Variants in TMEM51 observed in about 807,000 individuals in gnomAD.
TMEM51 encodes transmembrane protein 51.
In TMEM51, 8 loss-of-function variants were observed where a neutral mutation model predicts 13.6. The ratio of observed to expected loss-of-function variants is 0.59; its 90% CI spans 0.35 to 1.07. The LOEUF is 1.07. Among genes scored for constraint, TMEM51 ranks in the 50% least tolerant of loss-of-function variants. TMEM51 has a pLI of 0.02. For missense variants in TMEM51, 279 were observed against 330.7 expected (o/e 0.84, Z 1.21); for synonymous variants, 147 against 144.4 (o/e 1.02, Z -0.13).
intron 1 of TMEM51, among the ~76,000 whole-genome samples, chr1:15,156,342 C>T (rs368089266): frequency 1.1e-4 from 16 of 152,294 alleles, no homozygotes; most frequent in African/African-American, 3.8e-4. Flanking sequence ...GGTCAACGTT[C>T]CTCCCTCCCT....
intron 1 of TMEM51, among the ~76,000 whole-genome samples, chr1:15,175,941 T>C (rs923182872): frequency 6.6e-6 from 1 of 152,194 alleles, no homozygotes; most frequent in African/African-American, 2.4e-5. Context: ...ACCGTGTCAG[T>C]CTCAGTGAAA....
At chr1:15,182,206 A>AAATAAATGAATG (rs1452812707) in intron 1 of TMEM51, among the ~76,000 whole-genome samples, 87 of 148,928 alleles carry the variant, frequency 5.8e-4, no homozygotes, top group East Asian at 3.0e-3. Flanking sequence ...ATAAATAAAT[A>AAATAAATGAATG]ACTGCACTAG....
At chr1:15,167,559 G>C (rs1048271455) in intron 1 of TMEM51, among the ~76,000 whole-genome samples, 1 of 152,118 alleles carries the variant, frequency 6.6e-6, no homozygotes, top group Non-Finnish European at 1.5e-5. Context: ...CCTAGGAGTG[G>C]AATTATTGGG....
chr1:15,175,492 A>G (rs1643430048), intron 1 of TMEM51, among the ~76,000 whole-genome samples: 1 of 152,220 alleles, frequency 6.6e-6, no homozygotes, highest in Non-Finnish European at 1.5e-5. Context: ...CCATCCTCCA[A>G]GGTGATTTCT....
At chr1:15,164,670 G>A (rs1428329308) in intron 1 of TMEM51, among the ~76,000 whole-genome samples, 2 of 151,728 alleles carry the variant, frequency 1.3e-5, no homozygotes, top group Non-Finnish European at 2.9e-5. Flanking sequence ...TTATTGAAAC[G>A]ATTTTTAGAT....
At chr1:15,183,009 C>T (rs1394010789) in intron 1 of TMEM51, among the ~76,000 whole-genome samples, 1 of 152,170 alleles carries the variant, frequency 6.6e-6, no homozygotes. Context: ...GTGATCCTCC[C>T]GCCTCAACCT....
intron 1 of TMEM51, chr1:15,164,513 A>G: frequency 4.4e-6 from 2 of 455,444 alleles, no homozygotes; most frequent in South Asian, 1.5e-5. Flanking sequence ...TGGAGATAAT[A>G]TCAATGTAAC....
intron 3 of TMEM51, among the ~76,000 whole-genome samples, chr1:15,216,696 A>C (rs1025928097): frequency 2.6e-5 from 4 of 152,242 alleles, no homozygotes; most frequent in Non-Finnish European, 5.9e-5. Flanking sequence ...TTAGGATAAC[A>C]AAAACTTAGA....
rs990942296 is a variant in TMEM51, at chr1:15,161,460, G to A, written c.-267+7506G>A. On this transcript the variant is annotated intron_variant, in intron 1 of 3. Transcript: ENST00000376008. The surrounding 1 kb of genome is among the most constrained non-coding windows in gnomAD (Gnocchi z 4.0). Reference sequence around the variant, plus strand: ...GCAGAGGTTGCAGTGAGCCGAGATCGTGCCACTGAACTCCAGCCTGGGCAA... The same window carrying A: ...GCAGAGGTTGCAGTGAGCCGAGATCATGCCACTGAACTCCAGCCTGGGCAA... Among the ~76,000 whole-genome samples, 8 of 151,896 alleles carry A rather than the reference G, an allele frequency of 5.3e-5. No individual in the cohort carries two copies. The highest frequency in any genetic ancestry group is 7.4e-5 in the Non-Finnish European group (5 of 68,024).
At chr1:15,158,835 C>T (rs1397907135) in intron 1 of TMEM51, among the ~76,000 whole-genome samples, 1 of 152,130 alleles carries the variant, frequency 6.6e-6, no homozygotes, top group East Asian at 1.9e-4. Flanking sequence ...ATTTGAGCAT[C>T]GTTGAGTGGT....
At chr1:15,179,833 G>A (rs932967381) in intron 1 of TMEM51, among the ~76,000 whole-genome samples, 5 of 152,180 alleles carry the variant, frequency 3.3e-5, no homozygotes, top group African/African-American at 1.2e-4. Context: ...AAAACTAACC[G>A]CTGTTAAAAT....
intron 1 of TMEM51, among the ~76,000 whole-genome samples, chr1:15,194,368 G>A (rs1484547386): frequency 1.3e-5 from 2 of 152,150 alleles, no homozygotes; most frequent in Non-Finnish European, 2.9e-5. Context: ...AGTTCCCTCT[G>A]GCCACCTGAC....
At chr1:15,209,646 G>A (rs1270618008) in intron 1 of TMEM51, among the ~76,000 whole-genome samples, 1 of 152,156 alleles carries the variant, frequency 6.6e-6, no homozygotes, top group Admixed American at 6.5e-5. Context: ...GTGACACGTT[G>A]TGGTTTATCC....
intron 3 of TMEM51, among the ~76,000 whole-genome samples, chr1:15,218,387 C>A (rs992419143): frequency 6.6e-6 from 1 of 152,160 alleles, no homozygotes; most frequent in South Asian, 2.1e-4. Context: ...CAGCATGTCG[C>A]TAAGTGGGAA....
At chr1:15,167,054 G>A (rs10927696) in intron 1 of TMEM51, among the ~76,000 whole-genome samples, 54,808 of 152,046 alleles carry the variant, frequency 0.36, 11,379 homozygotes, top group East Asian at 0.6. Flanking sequence ...ATGGCTGGGT[G>A]CGGTGGCTCA....
chr1:15,175,115 G>A (rs1400239863), intron 1 of TMEM51, among the ~76,000 whole-genome samples: 13 of 152,228 alleles, frequency 8.5e-5, no homozygotes, highest in Admixed American at 5.2e-4. Context: ...AACTAGGGCC[G>A]TAGGCTGGGT....
At chr1:15,215,476 A>T in intron 3 of TMEM51, 45 bp downstream of exon 3, 1 of 1,493,412 alleles carries the variant, frequency 6.7e-7, no homozygotes, top group Non-Finnish European at 9.0e-7. Flanking sequence ...GGGGATGGGC[A>T]CGCACGCATG....
chr1:15,176,165 G>T (rs1299923582), intron 1 of TMEM51, among the ~76,000 whole-genome samples: 3 of 152,206 alleles, frequency 2.0e-5, no homozygotes, highest in Non-Finnish European at 4.4e-5. Flanking sequence ...CCCAGTGGTT[G>T]CTCAGTCAAT....
chr1:15,167,301 T>A (rs1643045390), intron 1 of TMEM51, among the ~76,000 whole-genome samples: 1 of 117,330 alleles, frequency 8.5e-6, no homozygotes. Flanking sequence ...CACTCCAGCC[T>A]GGGCGACAGA....
Sources: allele counts gnomAD v4.1 joint callset (sites outside exome capture counted in the v4.1 genomes callset), GRCh38; gene constraint gnomAD v4.1.1; non-coding constraint Gnocchi (gnomAD v3.1); transcripts MANE v1.5; gene names NCBI Gene and HGNC (gene_info 2026-07-23, HGNC 2026-07-21).